The following FGD5 variants were observed in gnomAD, a reference collection of about 807,000 sequenced individuals.
FGD5 encodes FYVE, RhoGEF and PH domain-containing protein 5.
Under a neutral mutation model 133.4 loss-of-function variants are expected in FGD5, and 28 were observed. The observed-to-expected ratio is 0.21, with a 90% CI of 0.16 to 0.29. The LOEUF (loss-of-function observed/expected upper bound fraction) is 0.29. Among genes scored for constraint, FGD5 ranks in the 10% least tolerant of loss-of-function variants. FGD5 has a pLI of 1.00. For missense variants in FGD5, 1,858 were observed against 1,895.2 expected, an observed-to-expected ratio of 0.98 and a Z score of 0.36; for synonymous variants, 810 against 776.5, an observed-to-expected ratio of 1.04 and a Z score of -0.72.
intron 1 of FGD5, among the ~76,000 whole-genome samples, chr3:14,848,107 A>C (rs1323296339): frequency 6.6e-6 from 1 of 152,172 alleles, no homozygotes; most frequent in Non-Finnish European, 1.5e-5. Context: ...CAGGAAATGC[A>C]GGACAAGTCC....
At chr3:14,909,138 T>A (rs1463843057) in intron 10 of FGD5, among the ~76,000 whole-genome samples, 1 of 151,918 alleles carries the variant, frequency 6.6e-6, no homozygotes, top group East Asian at 2.0e-4. Context: ...CTGGCTAATT[T>A]TGTATTTTTA....
chr3:14,855,224 G>A (rs779915296), intron 1 of FGD5, among the ~76,000 whole-genome samples: 5 of 152,064 alleles, frequency 3.3e-5, no homozygotes, highest in East Asian at 1.9e-4. Context: ...ATAGTGTTCC[G>A]TTGTGTATGT....
Position 14,864,131 on chromosome 3 carries a change from C to T in FGD5, c.2529C>T (p.Ala843=), listed in dbSNP as rs766646593. The T allele has an allele frequency of 6.2e-7, 1 of 1,613,120 alleles. No homozygotes were observed. Among genetic ancestry groups the T allele is most frequent in the Non-Finnish European group, 8.5e-7 (1 of 1,179,270 alleles). Residue 843 remains alanine, a synonymous_variant, in exon 2 of 20, where the codon GCC becomes GCT. Transcript: ENST00000285046. ...QQSADQDAES[A]YTEPYKVCPI... ...TCTTTCCCCTGCTTTGACCCAGCGC[C>T]TACACAGAGCCCTACAAAGTCTGTC...
At chr3:14,836,451 C>T (rs2036819328) in intron 1 of FGD5, among the ~76,000 whole-genome samples, 2 of 152,166 alleles carry the variant, frequency 1.3e-5, no homozygotes. Context: ...CTGCCTGGTC[C>T]CCAAACGCAA....
chr3:14,815,674 C>A (rs539643835), upstream of FGD5, among the ~76,000 whole-genome samples: 1 of 152,338 alleles, frequency 6.6e-6, no homozygotes, highest in Admixed American at 6.5e-5. Flanking sequence ...CATTTTTTAA[C>A]TGCCCAGCTG....
rs1337096612 is a variant in FGD5 at position 14,820,142 on chromosome 3, T to C, written c.1071T>C (p.Phe357=). ...YEFFPTESTS[F]CSESCSPLSE... ...TCTTCCCAACTGAGAGCACCTCTTT[T>C]TGCAGCGAGAGCTGTTCTCCTCTTT... is the stretch of plus-strand genomic sequence containing the variant. The change falls in exon 1 of 20, where the codon TTT becomes TTC. Residue 357 remains phenylalanine (F), a synonymous_variant. Coordinates refer to ENST00000285046, the MANE Select transcript of FGD5 (RefSeq NM_152536.4). The C allele has an allele frequency of 6.2e-7, 1 of 1,614,040 alleles. No homozygotes were observed. Among genetic ancestry groups the C allele is most frequent in the East Asian group, 2.2e-5 (1 of 44,882 alleles).
chr3:14,891,503 A>C (rs1445238463), intron 4 of FGD5, among the ~76,000 whole-genome samples: 2 of 152,266 alleles, frequency 1.3e-5, no homozygotes, highest in Admixed American at 1.3e-4. Flanking sequence ...TTCAAGACTC[A>C]GCCCCTTGAG....
chr3:14,883,526 A>T (rs1237781062), intron 4 of FGD5, among the ~76,000 whole-genome samples: 1 of 152,036 alleles, frequency 6.6e-6, no homozygotes, highest in African/African-American at 2.4e-5. Context: ...ATGTCTACCC[A>T]CCTATCCAAC....
At position 14,821,066 on chromosome 3, in the gene FGD5, G is replaced by A. The variant is rs371257394; in HGVS notation, c.1995G>A (p.Thr665=). The A allele has an allele frequency of 4.7e-5, 76 of 1,613,934 alleles. 1 individual carries two copies. The African/African-American group carries it at 6.4e-4, about 14-fold the overall frequency. ...RFLALTFKKK[T]ENKLHVDVNV... is the part of the protein sequence containing the mutation. The stretch of plus-strand genomic sequence containing the variant: ...TGGCACTGACGTTTAAGAAGAAGAC[G>A]GAGAACAAATTGCATGTGGATGTGA... Residue 665 remains threonine, a synonymous_variant, in exon 1 of 20, where the codon ACG becomes ACA. Coordinates refer to ENST00000285046, the MANE Select transcript of FGD5 (RefSeq NM_152536.4).
chr3:14,907,824 A>T (rs1369852826), intron 10 of FGD5, 113 bp downstream of exon 10: 3 of 1,077,194 alleles, frequency 2.8e-6, no homozygotes. Flanking sequence ...CTGTCTACCC[A>T]TGGAGGGCAG....
intron 1 of FGD5, among the ~76,000 whole-genome samples, chr3:14,857,796 A>G (rs1388667980): frequency 1.3e-5 from 2 of 152,102 alleles, no homozygotes; most frequent in Non-Finnish European, 2.9e-5. Flanking sequence ...CAGGCTATGG[A>G]AACACCACCA....
intron 1 of FGD5, among the ~76,000 whole-genome samples, chr3:14,854,993 G>C (rs1189409340): frequency 2.0e-5 from 3 of 152,116 alleles, no homozygotes; most frequent in Non-Finnish European, 4.4e-5. Context: ...TTCTTTTACA[G>C]ATCTCTCCCT....
At position 14,821,311 on chromosome 3, in the gene FGD5, A is replaced by G; in HGVS notation, c.2240A>G (p.Asp747Gly). ...GTGTCCAGAGTGGAGTCCTTTGAAGACCGCTCCCGGCCGCCCTTCCTGCCC... is the reference window on the plus strand; with the variant it reads ...GTGTCCAGAGTGGAGTCCTTTGAAGGCCGCTCCCGGCCGCCCTTCCTGCCC... ...RTVSRVESFE[D>G]RSRPPFLPLP... is the part of the protein sequence containing the mutation. The change falls in exon 1 of 20, where the codon GAC (aspartate) becomes GGC (glycine). Residue 747 changes from aspartate to glycine, a missense_variant. By Grantham distance (94) the Asp-to-Gly change is moderately conservative (BLOSUM62 -1). Coordinates refer to ENST00000285046, the MANE Select transcript of FGD5 (RefSeq NM_152536.4). The G allele has an allele frequency of 6.2e-7, 1 of 1,613,828 alleles. No homozygotes were observed.
intron 4 of FGD5, among the ~76,000 whole-genome samples, chr3:14,893,478 C>T (rs1040051233): frequency 6.6e-6 from 1 of 152,084 alleles, no homozygotes; most frequent in African/African-American, 2.4e-5. Context: ...CAGCAAATAC[C>T]TGGAACCACA....
chr3:14,817,139 C>G (rs1452280193), upstream of FGD5, among the ~76,000 whole-genome samples: 2 of 152,128 alleles, frequency 1.3e-5, no homozygotes, highest in Non-Finnish European at 2.9e-5. Context: ...ATATTGATTA[C>G]ATATTGAAAT....
chr3:14,810,737 CGCCAGGGGGTGCGGG>C (rs1377125859), upstream of FGD5: 26 of 905,310 alleles, frequency 2.9e-5, no homozygotes, highest in Non-Finnish European at 3.3e-5. Flanking sequence ...GCCGGGCGGG[CGCCAGGGGGTGCGGG>C]CCCCGCGGGG....
chr3:14,828,432 G>A (rs1349491857), intron 1 of FGD5, among the ~76,000 whole-genome samples: 1 of 152,170 alleles, frequency 6.6e-6, no homozygotes, highest in African/African-American at 2.4e-5. Flanking sequence ...CCTTTATTCT[G>A]GAAAATAGGT....
intron 1 of FGD5, among the ~76,000 whole-genome samples, chr3:14,836,509 C>T (rs1468077403): frequency 2.0e-5 from 3 of 152,198 alleles, no homozygotes; most frequent in Admixed American, 6.5e-5. Context: ...TCAGCAGCAC[C>T]GTGAGTGAGG....
chr3:14,897,315 C>A, intron 4 of FGD5, 194 bp from the exon 5 acceptor site: 1 of 617,840 alleles, frequency 1.6e-6, no homozygotes, highest in Non-Finnish European at 2.7e-6. Context: ...TCAGCTCAGG[C>A]AGCCCTATGG....
Sources: gnomAD v4.1 joint callset for allele counts (sites outside exome capture counted in the v4.1 genomes callset) on GRCh38, gnomAD v4.1.1 for gene constraint, MANE v1.5 for transcripts, NCBI Gene and HGNC (gene_info 2026-07-23, HGNC 2026-07-21) for gene names.